Variants in MIPOL1 observed in about 807,000 individuals in gnomAD.
The protein encoded by MIPOL1 is mirror-image polydactyly 1.
MIPOL1 carries 57 observed loss-of-function variants against 60.9 expected under a neutral mutation model. The ratio of observed to expected loss-of-function variants is 0.94; its 90% CI spans 0.76 to 1.17. The LOEUF (loss-of-function observed/expected upper bound fraction) is 1.17, where lower values mean the gene tolerates loss of function less well. Ranked by LOEUF, MIPOL1 falls within the 50% of genes most tolerant of loss-of-function variation. MIPOL1 has a pLI of 0.00. For missense variants in MIPOL1, 551 were observed against 511.6 expected (o/e 1.08, Z -0.74); for synonymous variants, 179 against 168.8 (o/e 1.06, Z -0.47).
intron 1 of MIPOL1, among the ~76,000 whole-genome samples, chr14:37,228,827 C>T (rs1970186040): frequency 6.6e-6 from 1 of 152,178 alleles, no homozygotes; most frequent in African/African-American, 2.4e-5. Flanking sequence ...CACAGTGGCT[C>T]ATACTTGTAA....
intron 9 of MIPOL1, among the ~76,000 whole-genome samples, chr14:37,351,931 G>A (rs1414812406): frequency 6.6e-6 from 1 of 150,804 alleles, no homozygotes; most frequent in Admixed American, 6.6e-5. Context: ...TGTCAATTTT[G>A]TCTTTTGTTG....
chr14:37,320,021 A>G (rs889386362), intron 9 of MIPOL1, among the ~76,000 whole-genome samples: 11 of 152,138 alleles, frequency 7.2e-5, no homozygotes, highest in Non-Finnish European at 1.5e-5. Flanking sequence ...CCTTGTGTGA[A>G]TATGCCATGA....
chr14:37,453,171 C>CATAT (rs1478754624), intron 11 of MIPOL1, among the ~76,000 whole-genome samples: 3 of 152,106 alleles, frequency 2.0e-5, no homozygotes, highest in Non-Finnish European at 4.4e-5. Flanking sequence ...ATTTCTTAGG[C>CATAT]ATATGATAGG....
At chr14:37,274,550 A>C (rs1215126046) in intron 6 of MIPOL1, among the ~76,000 whole-genome samples, 2 of 151,444 alleles carry the variant, frequency 1.3e-5, no homozygotes, top group African/African-American at 4.8e-5. Context: ...ATAGATCAGC[A>C]TATAAGACAG....
At chr14:37,524,561 TTTTCTTTTC>T (rs1484912719) in intron 12 of MIPOL1, among the ~76,000 whole-genome samples, 3 of 58,562 alleles carry the variant, frequency 5.1e-5, no homozygotes, top group African/African-American at 2.9e-4. Flanking sequence ...TAATTTTTCT[TTTTCTTTTC>T]TTTTTTTTTT....
At chr14:37,358,187 G>A (rs2091977251) in intron 9 of MIPOL1, among the ~76,000 whole-genome samples, 1 of 152,070 alleles carries the variant, frequency 6.6e-6, no homozygotes, top group Admixed American at 6.5e-5. Context: ...TTTTATGGCT[G>A]CATAGTATTC....
intron 9 of MIPOL1, 74 bp from the exon 10 acceptor site, chr14:37,369,443 A>T: frequency 1.0e-6 from 1 of 980,592 alleles, no homozygotes; most frequent in Non-Finnish European, 1.6e-6. Flanking sequence ...GATATTATTT[A>T]CATTAATTCA....
intron 11 of MIPOL1, among the ~76,000 whole-genome samples, chr14:37,491,489 A>C (rs562779498): frequency 1.3e-5 from 2 of 152,278 alleles, no homozygotes; most frequent in East Asian, 3.9e-4. Context: ...AGATCATGCC[A>C]CTGCACTCCA....
chr14:37,385,285 G>C (rs2093034104), intron 10 of MIPOL1, among the ~76,000 whole-genome samples: 1 of 152,070 alleles, frequency 6.6e-6, no homozygotes, highest in Non-Finnish European at 1.5e-5. Flanking sequence ...TAGTGAAAAA[G>C]TGATCTATTT....
intron 1 of MIPOL1, among the ~76,000 whole-genome samples, chr14:37,223,440 G>A (rs988242748): frequency 3.9e-5 from 6 of 152,218 alleles, no homozygotes; most frequent in Middle Eastern, 3.4e-3. Flanking sequence ...ATAGACATAT[G>A]AGGAGTTTCA....
rs924991030 is a variant in MIPOL1 at position 37,290,759 on chromosome 14, A to G, written c.623+5312A>G. 5.3e-5 allele frequency among the ~76,000 whole-genome samples: 8 copies of G among 152,328 alleles called. No homozygotes were observed. The East Asian group carries it at 7.7e-4, about 15-fold the overall frequency. On this transcript the variant is annotated intron_variant, in intron 7 of 12. Transcript: ENST00000684589. ...CAGGGGTACATTTGCAGGTTATTAT[A>G]TAAGTAAACTTGGGTTGTGGGGTTT...
intron 1 of MIPOL1, among the ~76,000 whole-genome samples, chr14:37,234,321 A>G (rs889925239): frequency 6.7e-6 from 1 of 149,694 alleles, no homozygotes; most frequent in Admixed American, 6.7e-5. Flanking sequence ...TTCATCTTCA[A>G]TATTGTCTGG....
At chr14:37,405,191 G>A (rs571273326) in intron 10 of MIPOL1, among the ~76,000 whole-genome samples, 32 of 152,206 alleles carry the variant, frequency 2.1e-4, no homozygotes, top group South Asian at 2.1e-4. Context: ...GTTAAAATCC[G>A]CAGCAGTGTG....
intron 11 of MIPOL1, among the ~76,000 whole-genome samples, chr14:37,454,725 T>G (rs539431047): frequency 4.3e-4 from 65 of 152,304 alleles, no homozygotes; most frequent in African/African-American, 1.5e-3. Flanking sequence ...TAAAGAAGCA[T>G]GTATGTATAA....
At chr14:37,426,615 A>AATATGTAT (rs1177419001) in intron 11 of MIPOL1, among the ~76,000 whole-genome samples, 1 of 140,046 alleles carries the variant, frequency 7.1e-6, no homozygotes, top group African/African-American at 2.7e-5. Context: ...ATACATATAT[A>AATATGTAT]ATATGTATAT....
chr14:37,356,824 A>G lies in MIPOL1; in HGVS notation c.829-12693A>G, dbSNP rs149193826. Reference sequence around the variant, plus strand: ...CCACTGTCTGGCAGTCCCTAGTGAGATGAACCCGGTACCTCAGATGGAAAT... The same window carrying G: ...CCACTGTCTGGCAGTCCCTAGTGAGGTGAACCCGGTACCTCAGATGGAAAT... On this transcript the variant is annotated intron_variant, in intron 9 of 12. Transcript: ENST00000684589. Among the ~76,000 whole-genome samples, 219 of 152,270 alleles carry G rather than the reference A, an allele frequency of 1.4e-3. 1 individual carries two copies. In the East Asian group the frequency reaches 0.016, roughly 11 times the overall value.
chr14:37,507,469 C>G (rs2095288387), intron 12 of MIPOL1: 3 of 152,288 alleles, frequency 2.0e-5, no homozygotes, highest in South Asian at 2.1e-4. Flanking sequence ...ATCAGTGAAG[C>G]TGGAAACCAT....
At chr14:37,503,385 A>T (rs2095241870) in intron 12 of MIPOL1, 1 of 151,618 alleles carries the variant, frequency 6.6e-6, no homozygotes, top group African/African-American at 2.4e-5. Context: ...CCAGAAAGGG[A>T]AGCTGACTAA....
chr14:37,292,465 C>T (rs1430457470), intron 7 of MIPOL1, among the ~76,000 whole-genome samples: 51 of 63,444 alleles, frequency 8.0e-4, no homozygotes, highest in South Asian at 1.6e-3. Context: ...CCTTAATAAA[C>T]TTTTTTTTTT....
Sources: gnomAD v4.1 joint callset for allele counts (sites outside exome capture counted in the v4.1 genomes callset) on GRCh38, gnomAD v4.1.1 for gene constraint, MANE v1.5 for transcripts, NCBI Gene and HGNC (gene_info 2026-07-23, HGNC 2026-07-21) for gene names.